PCBP3: variants seen among roughly 807,000 people sequenced by gnomAD.
PCBP3 encodes poly(rC) binding protein 3.
Under a neutral mutation model 52.7 loss-of-function variants are expected in PCBP3, and 25 were observed. That is an observed-to-expected ratio of 0.47 (90% CI 0.35 to 0.66). The LOEUF (loss-of-function observed/expected upper bound fraction) is 0.66. PCBP3 is among the 30% of genes least tolerant of loss of function. The pLI is 0.01. For synonymous variants in PCBP3, 162 were observed against 183.0 expected (o/e 0.89, Z 0.93); for missense variants, 391 against 490.3 (o/e 0.80, Z 1.91).
At position 45,802,688 on chromosome 21, in the gene PCBP3, G is replaced by A. The variant is rs2092351409; in HGVS notation, c.-126+47236G>A. 6.6e-6 allele frequency among the ~76,000 whole-genome samples: 1 copy of A among 152,152 alleles called. No homozygotes were observed. On this transcript the variant is annotated intron_variant, in intron 4 of 17. Coordinates refer to ENST00000681687, the MANE Select transcript of PCBP3 (RefSeq NM_001384156.1). The surrounding 1 kb of genome is among the most constrained non-coding windows in gnomAD (Gnocchi z 5.1). ...TTGGGATGTTCCTCTCCTTCATGGG[G>A]AGGAGAGGCCCTGAGGGAGGCAGGA...
In PCBP3 at chr21:45,656,688, T is replaced by C. The variant is rs1159933557; in HGVS notation, c.-278-12186T>C. ...AACAAAAACAAAAATAAATAAATCC[T>C]TTGCCCATTTAAAAACTGGATTGTC... On this transcript the variant is annotated intron_variant, in intron 1 of 17. Coordinates refer to ENST00000681687, the MANE Select transcript of PCBP3 (RefSeq NM_001384156.1). The surrounding 1 kb of genome is among the most constrained non-coding windows in gnomAD (Gnocchi z 4.3). Among the ~76,000 whole-genome samples the C allele has an allele frequency of 6.6e-6, 1 of 152,038 alleles. No individual in the cohort carries two copies. Among genetic ancestry groups the C allele is most frequent in the Non-Finnish European group, 1.5e-5 (1 of 67,926 alleles).
intron 13 of PCBP3, among the ~76,000 whole-genome samples, chr21:45,925,354 G>T (rs148312796): frequency 6.6e-6 from 1 of 152,326 alleles, no homozygotes; most frequent in African/African-American, 2.4e-5. Context: ...GGAAACAAGT[G>T]AGGGGAAAAA....
chr21:45,877,609 G>A (rs915581178), intron 5 of PCBP3, among the ~76,000 whole-genome samples: 8 of 152,130 alleles, frequency 5.3e-5, no homozygotes, highest in African/African-American at 1.2e-4. Context: ...TTTGAGACCC[G>A]CCTGGCCAAC....
At chr21:45,669,522 A>G (rs2081010558) in intron 2 of PCBP3, among the ~76,000 whole-genome samples, 1 of 152,024 alleles carries the variant, frequency 6.6e-6, no homozygotes. Context: ...TTGTGCAACC[A>G]TCCATCTCCA....
At chr21:45,744,517 C>T (rs2086684619) in intron 3 of PCBP3, among the ~76,000 whole-genome samples, 1 of 152,170 alleles carries the variant, frequency 6.6e-6, no homozygotes, top group African/African-American at 2.4e-5. Flanking sequence ...GTCATTTTAT[C>T]TGTTACTGTG....
At chr21:45,822,289 C>G (rs2093163954) in intron 4 of PCBP3, among the ~76,000 whole-genome samples, 1 of 152,168 alleles carries the variant, frequency 6.6e-6, no homozygotes, top group South Asian at 2.1e-4. Flanking sequence ...GCCGCACTGT[C>G]CATTTCTTTA....
At chr21:45,906,946 G>C (rs1246095966) in intron 9 of PCBP3, among the ~76,000 whole-genome samples, 1 of 152,198 alleles carries the variant, frequency 6.6e-6, no homozygotes, top group Non-Finnish European at 1.5e-5. Context: ...GGAGGATGAC[G>C]TGAGACCTTT....
intron 4 of PCBP3, among the ~76,000 whole-genome samples, chr21:45,834,122 G>A (rs994236666): frequency 6.6e-6 from 1 of 152,088 alleles, no homozygotes; most frequent in Admixed American, 6.5e-5. Flanking sequence ...GACTGCCACC[G>A]ATTCACGAGT....
rs1166446998 is a variant in PCBP3 at position 45,791,451 on chromosome 21, T to G, written c.-126+35999T>G. Among the ~76,000 whole-genome samples, 4 of 151,950 alleles carry G rather than the reference T, an allele frequency of 2.6e-5. No homozygotes were observed. The highest frequency in any genetic ancestry group is 9.7e-5 in the African/African-American group (4 of 41,328). ...ACGGAATTGACAGAGAGTGAGACTT[T>G]AATAGGGTGTGGCTTTTGTCAAGCA... On this transcript the variant is annotated intron_variant, in intron 4 of 17. Coordinates refer to ENST00000681687, the MANE Select transcript of PCBP3 (RefSeq NM_001384156.1). The surrounding 1 kb of genome is among the most constrained non-coding windows in gnomAD (Gnocchi z 4.2).
At chr21:45,815,938 T>G (rs1429791115) in intron 4 of PCBP3, among the ~76,000 whole-genome samples, 22 of 66,762 alleles carry the variant, frequency 3.3e-4, no homozygotes, top group South Asian at 6.5e-4. Flanking sequence ...GGTGAGTGAG[T>G]GGTGAGTGAT....
At chr21:45,886,771 G>T (rs923101400) in intron 5 of PCBP3, among the ~76,000 whole-genome samples, 1 of 152,180 alleles carries the variant, frequency 6.6e-6, no homozygotes, top group African/African-American at 2.4e-5. Flanking sequence ...TACTGACCCC[G>T]CATTGCCTCC....
In PCBP3 at chr21:45,802,385, C is replaced by T. The variant is rs1406126891; in HGVS notation, c.-126+46933C>T. ...AGACAGCCCTGATGGCATCACCTCCCTTCACTCGCCTCTTCTTAGCTTGTT... is the reference window on the plus strand; with the variant it reads ...AGACAGCCCTGATGGCATCACCTCCTTTCACTCGCCTCTTCTTAGCTTGTT... On this transcript the variant is annotated intron_variant, in intron 4 of 17. Transcript: ENST00000681687. The surrounding 1 kb of genome is among the most constrained non-coding windows in gnomAD (Gnocchi z 5.1). Among the ~76,000 whole-genome samples, 1 of 152,206 alleles carries T rather than the reference C, an allele frequency of 6.6e-6. No individual in the cohort carries two copies. The highest frequency in any genetic ancestry group is 1.5e-5 in the Non-Finnish European group (1 of 68,030).
At chr21:45,869,157 TTAAAC>T (rs2094891544) in intron 5 of PCBP3, 1 of 152,164 alleles carries the variant, frequency 6.6e-6, no homozygotes, top group Admixed American at 6.5e-5. Context: ...ACCAAACCCA[TTAAAC>T]ATGAATTAGA....
At chr21:45,794,362 G>A (rs1388900355) in intron 4 of PCBP3, among the ~76,000 whole-genome samples, 2 of 152,152 alleles carry the variant, frequency 1.3e-5, no homozygotes, top group African/African-American at 4.8e-5. Flanking sequence ...GCTATAGCAA[G>A]CCAAGACCGT....
intron 13 of PCBP3, chr21:45,919,076 G>A (rs1465120999): frequency 6.6e-6 from 1 of 152,586 alleles, no homozygotes; most frequent in Non-Finnish European, 1.5e-5. Context: ...CCCCCAGGGA[G>A]TGACGGCCGC....
chr21:45,770,710 T>C (rs1603412309), intron 4 of PCBP3, among the ~76,000 whole-genome samples: 1 of 152,234 alleles, frequency 6.6e-6, no homozygotes, highest in African/African-American at 2.4e-5. Context: ...ATCAGCTTCA[T>C]GCAATGTGTG....
At chr21:45,905,849 C>G (rs1370264169) in intron 9 of PCBP3, among the ~76,000 whole-genome samples, 1 of 152,188 alleles carries the variant, frequency 6.6e-6, no homozygotes, top group Non-Finnish European at 1.5e-5. Context: ...AGTGGATGAA[C>G]TTGGTCCGGT....
At chr21:45,768,388 G>A (rs939292148) in intron 4 of PCBP3, among the ~76,000 whole-genome samples, 1 of 152,204 alleles carries the variant, frequency 6.6e-6, no homozygotes, top group Non-Finnish European at 1.5e-5. Context: ...TCCTGAAGGC[G>A]TTTCTGTTGC....
At chr21:45,901,753 A>G (rs1161937877) in intron 9 of PCBP3, among the ~76,000 whole-genome samples, 3 of 150,818 alleles carry the variant, frequency 2.0e-5, no homozygotes, top group South Asian at 2.1e-4. Flanking sequence ...AAAGAGAGAG[A>G]GACAGAGACA....
Sources: gnomAD v4.1 joint callset for allele counts (sites outside exome capture counted in the v4.1 genomes callset) on GRCh38, gnomAD v4.1.1 for gene constraint, Gnocchi (gnomAD v3.1) non-coding constraint, MANE v1.5 for transcripts, NCBI Gene and HGNC (gene_info 2026-07-23, HGNC 2026-07-21) for gene names.